Variants in SLC39A8 observed in about 807,000 individuals in gnomAD.
The protein encoded by SLC39A8 is solute carrier family 39 member 8, also known as metal cation symporter ZIP8.
Under a neutral mutation model 40.4 loss-of-function variants are expected in SLC39A8, and 15 were observed. The observed-to-expected ratio is 0.37, with a 90% CI of 0.25 to 0.57. The LOEUF (loss-of-function observed/expected upper bound fraction) is 0.57, where lower values mean the gene tolerates loss of function less well. SLC39A8 is among the 20% of genes least tolerant of loss of function. The pLI, the probability that SLC39A8 is intolerant of heterozygous loss-of-function variation, is 0.75. For synonymous variants in SLC39A8, 223 were observed against 221.6 expected (o/e 1.01, Z -0.06); for missense variants, 472 against 558.8 (o/e 0.84, Z 1.57).
At chr4:102,326,388 C>T (rs568761535) in intron 2 of SLC39A8, among the ~76,000 whole-genome samples, 120 of 152,196 alleles carry the variant, frequency 7.9e-4, no homozygotes, top group Admixed American at 1.3e-3. Context: ...GGTGAAACCC[C>T]GTCTCTACTA....
chr4:102,322,865 TA>T (rs373079247), intron 2 of SLC39A8, among the ~76,000 whole-genome samples: 124 of 152,284 alleles, frequency 8.1e-4, no homozygotes, highest in African/African-American at 2.9e-3. Context: ...CAATCAACTT[TA>T]AATACCATTA....
intron 11 of SLC39A8, among the ~76,000 whole-genome samples, chr4:102,255,913 C>T (rs1449564351): frequency 2.0e-5 from 3 of 152,176 alleles, no homozygotes; most frequent in Non-Finnish European, 2.9e-5. Context: ...GCTATGACAG[C>T]GCAGGTGCTT....
intron 6 of SLC39A8, among the ~76,000 whole-genome samples, chr4:102,289,656 T>G (rs1733334866): frequency 6.6e-6 from 1 of 152,128 alleles, no homozygotes; most frequent in Non-Finnish European, 1.5e-5. Flanking sequence ...ATTCCAACCT[T>G]CATGGATAAC....
chr4:102,268,282 C>T (rs902403997), intron 6 of SLC39A8, among the ~76,000 whole-genome samples: 13 of 152,150 alleles, frequency 8.5e-5, no homozygotes, highest in African/African-American at 2.9e-4. Flanking sequence ...TGACACACCT[C>T]GAATAAGCCA....
chr4:102,333,079 G>A (rs1277527570), intron 2 of SLC39A8, among the ~76,000 whole-genome samples: 1 of 152,096 alleles, frequency 6.6e-6, no homozygotes, highest in African/African-American at 2.4e-5. Context: ...AATGGCTGAT[G>A]GGTGCAGTAA....
At chr4:102,324,638 T>C (rs1313461487) in intron 2 of SLC39A8, among the ~76,000 whole-genome samples, 1 of 152,230 alleles carries the variant, frequency 6.6e-6, no homozygotes, top group Admixed American at 6.5e-5. Flanking sequence ...CGAGCACTAC[T>C]GCATGCCAGG....
chr4:102,277,934 T>A (rs527845843), intron 6 of SLC39A8, among the ~76,000 whole-genome samples: 1 of 152,250 alleles, frequency 6.6e-6, no homozygotes, highest in African/African-American at 2.4e-5. Context: ...GCTAGCCATA[T>A]GCAGAAAACT....
chr4:102,313,959 T>C (rs1293373310), intron 3 of SLC39A8, among the ~76,000 whole-genome samples: 2 of 151,946 alleles, frequency 1.3e-5, no homozygotes, highest in Non-Finnish European at 2.9e-5. Flanking sequence ...AGCAATCTCC[T>C]CTCCAAATGT....
chr4:102,268,039 C>G lies in SLC39A8; in HGVS notation c.881G>C (p.Gly294Ala). 6.2e-7 allele frequency: 1 copy of G among 1,614,116 alleles called. No homozygotes were observed. Among genetic ancestry groups the G allele is most frequent in the Non-Finnish European group, 8.5e-7 (1 of 1,180,010 alleles). The change falls in exon 7 of 9, where the codon GGG (glycine) becomes GCG (alanine). Residue 294 changes from glycine (G) to alanine (A), a missense_variant. By Grantham distance (60) the Gly-to-Ala change is moderately conservative. This residue lies in a region of SLC39A8 where 239 missense variants were observed against 317.9 expected (regional missense o/e 0.75). Coordinates refer to ENST00000356736, the MANE Select transcript of SLC39A8 (RefSeq NM_001135146.2). ...KEPSSCTCLK[G>A]PKLSEIGTIA... ...CGTCCCTATTTCTGACAGTTTGGGC[C>G]CCTTCAAACAGGTACATGAACTTGG...
intron 3 of SLC39A8, among the ~76,000 whole-genome samples, chr4:102,311,187 G>C (rs1373316472): frequency 1.3e-5 from 2 of 152,022 alleles, no homozygotes; most frequent in Non-Finnish European, 2.9e-5. Flanking sequence ...TTGGTTCCTT[G>C]ACTTCCCTAA....
chr4:102,276,175 C>CA lies in SLC39A8; in HGVS notation c.841-8097dup, dbSNP rs1732608477. On this transcript the variant is annotated intron_variant, in intron 6 of 8. Coordinates refer to ENST00000356736, the MANE Select transcript of SLC39A8 (RefSeq NM_001135146.2). ...GGAGATTGAGACATGAAAAACCCTT[C>CA]AAAAAATCAATGAATCCAGGAGCTG... Among the ~76,000 whole-genome samples, 5 of 151,982 alleles carry CA rather than the reference C, an allele frequency of 3.3e-5. No homozygotes were observed. The South Asian group carries it at 1.0e-3, about 32-fold the overall frequency.
intron 8 of SLC39A8, among the ~76,000 whole-genome samples, chr4:102,263,887 C>T (rs1406496159): frequency 6.6e-6 from 1 of 152,150 alleles, no homozygotes; most frequent in Non-Finnish European, 1.5e-5. Flanking sequence ...AGTTTAATCA[C>T]GAGATTGCAG....
chr4:102,309,019 T>C (rs1332823020), intron 3 of SLC39A8, among the ~76,000 whole-genome samples: 1 of 152,128 alleles, frequency 6.6e-6, no homozygotes, highest in African/African-American at 2.4e-5. Context: ...ATTATTCCTT[T>C]AGAGATAATC....
At chr4:102,282,792 T>C (rs1389317123) in intron 6 of SLC39A8, among the ~76,000 whole-genome samples, 1 of 152,214 alleles carries the variant, frequency 6.6e-6, no homozygotes, top group Admixed American at 6.5e-5. Context: ...AGTGACGCAA[T>C]CTTGGCTCAC....
rs1731915224 is a variant in SLC39A8, at chr4:102,262,662, A to G, written c.*382T>C. The stretch of plus-strand genomic sequence containing the variant: ...AATAAAACCTCTCTGAAACCATTTG[A>G]ATCTTTGATCCTACCATAGAGTTTT... On this transcript the variant is annotated 3_prime_UTR_variant, in exon 9 of 9. Transcript: ENST00000356736. The G allele has an allele frequency of 1.0e-6, 1 of 991,070 alleles. No homozygotes were observed. Among genetic ancestry groups the G allele is most frequent in the African/African-American group, 1.7e-5 (1 of 57,438 alleles). The allele number at this position is 991,070 out of a possible 1,614,324, so 61.4% of individuals were successfully genotyped here. A position where few individuals can be genotyped will look rare whatever the true frequency, so the allele number is the denominator to read the frequency against.
In SLC39A8 at chr4:102,320,071, G is replaced by T. The variant is rs577640939; in HGVS notation, c.220-4241C>A. 3.3e-5 allele frequency among the ~76,000 whole-genome samples: 5 copies of T among 149,804 alleles called. No homozygotes were observed. The South Asian group carries it at 8.4e-4, about 25-fold the overall frequency. ...AGACACAGGCTAAATTAAAGCATTGGCTTTCCCAATCTGTAGCCTGCAGAC... is the reference window on the plus strand; with the variant it reads ...AGACACAGGCTAAATTAAAGCATTGTCTTTCCCAATCTGTAGCCTGCAGAC... On this transcript the variant is annotated intron_variant, in intron 2 of 8. Transcript: ENST00000356736.
At chr4:102,304,587 G>T in intron 5 of SLC39A8, 106 bp from the exon 6 acceptor site, 2 of 859,168 alleles carry the variant, frequency 2.3e-6, no homozygotes, top group South Asian at 2.0e-5. Context: ...AAAATTGTAT[G>T]TCTATTCTAT....
chr4:102,287,609 T>C (rs1733239896), intron 6 of SLC39A8, among the ~76,000 whole-genome samples: 1 of 152,126 alleles, frequency 6.6e-6, no homozygotes, highest in African/African-American at 2.4e-5. Context: ...TGCATATGCC[T>C]CTACTCTAGT....
In SLC39A8 at chr4:102,267,640, G is replaced by C. The variant is rs777578335; in HGVS notation, c.1083C>G (p.Ser361Arg). Residue 361 changes from serine to arginine, a missense_variant, in exon 8 of 9, where the codon AGC (serine) becomes AGG (arginine). By Grantham distance (110) the Ser-to-Arg change is moderately radical. Transcript: ENST00000356736. ...AGTTGAATAGCAAGGCTTGTCGAGT[G>C]CTCATCCCTGCATTGAGTAGGATCA... is the stretch of plus-strand genomic sequence containing the variant. ...DFVILLNAGM[S>R]TRQALLFNFL... The C allele has an allele frequency of 8.1e-6, 13 of 1,611,668 alleles. No individual in the cohort carries two copies. Among genetic ancestry groups the C allele is most frequent in the Middle Eastern group, 1.7e-4 (1 of 6,042 alleles).
Sources: gnomAD v4.1 joint callset for allele counts (sites outside exome capture counted in the v4.1 genomes callset) on GRCh38, gnomAD v4.1.1 for gene constraint, gnomAD v4.1.1 regional missense constraint, MANE v1.5 for transcripts, NCBI Gene and HGNC (gene_info 2026-07-23, HGNC 2026-07-21) for gene names.